CAMKMT: variants seen among roughly 807,000 people sequenced by gnomAD.
CAMKMT encodes calmodulin-lysine N-methyltransferase.
A neutral mutation model predicts 48.0 loss-of-function variants in CAMKMT; 53 were observed. The observed-to-expected ratio is 1.10, with a 90% CI of 0.89 to 1.39. The LOEUF (loss-of-function observed/expected upper bound fraction) is 1.39, where lower values mean the gene tolerates loss of function less well. CAMKMT is among the 40% of genes most tolerant of loss of function. CAMKMT has a pLI of 0.00. For missense variants in CAMKMT, 428 were observed against 402.7 expected (o/e 1.06, Z -0.54); for synonymous variants, 165 against 152.3 (o/e 1.08, Z -0.61).
intron 3 of CAMKMT, among the ~76,000 whole-genome samples, chr2:44,460,887 T>G (rs1315676006): frequency 6.6e-6 from 1 of 152,004 alleles, no homozygotes; most frequent in Non-Finnish European, 1.5e-5. Flanking sequence ...CACACCCAGC[T>G]AATTTTTGTA....
Position 44,426,260 on chromosome 2 carries a change from C to T in CAMKMT, c.376+35955C>T, listed in dbSNP as rs568834263. On this transcript the variant is annotated intron_variant, in intron 3 of 10. Coordinates refer to ENST00000378494, the MANE Select transcript of CAMKMT (RefSeq NM_024766.5). ...GTAACTGGCAAAAGTTTCAAGCATTCTGCCTAAGAACTGGAGCAAGACAAG... is the reference window on the plus strand; with the variant it reads ...GTAACTGGCAAAAGTTTCAAGCATTTTGCCTAAGAACTGGAGCAAGACAAG... 2.0e-5 allele frequency among the ~76,000 whole-genome samples: 3 copies of T among 152,286 alleles called. No individual in the cohort carries two copies. The South Asian group carries it at 6.2e-4, about 32-fold the overall frequency.
intron 3 of CAMKMT, among the ~76,000 whole-genome samples, chr2:44,662,509 C>T (rs1043804487): frequency 6.6e-5 from 10 of 152,188 alleles, no homozygotes; most frequent in African/African-American, 9.7e-5. Flanking sequence ...GGCAATTGTA[C>T]GTGCACATTC....
At chr2:44,597,719 T>C (rs372339389) in intron 3 of CAMKMT, among the ~76,000 whole-genome samples, 2 of 152,304 alleles carry the variant, frequency 1.3e-5, no homozygotes, top group South Asian at 4.1e-4. Context: ...ATATGCTTCC[T>C]TATTATTTTT....
chr2:44,410,662 G>T lies in CAMKMT; in HGVS notation c.376+20357G>T, dbSNP rs2104476264. Among the ~76,000 whole-genome samples, 3 of 152,196 alleles carry T rather than the reference G, an allele frequency of 2.0e-5. 1 individual carries two copies. The highest frequency in any genetic ancestry group is 4.4e-5 in the Non-Finnish European group (3 of 68,014). ...TATTCTAATTAATTCAAAGCAATAT[G>T]TCAGTTGCCTGTTCTTTAATATGCT... On this transcript the variant is annotated intron_variant, in intron 3 of 10. Coordinates refer to ENST00000378494, the MANE Select transcript of CAMKMT (RefSeq NM_024766.5).
At chr2:44,769,622 T>C (rs1334751278) in intron 10 of CAMKMT, among the ~76,000 whole-genome samples, 2 of 152,334 alleles carry the variant, frequency 1.3e-5, no homozygotes, top group East Asian at 3.8e-4. Flanking sequence ...GCAAATGTTC[T>C]TTGAAATATA....
intron 10 of CAMKMT, among the ~76,000 whole-genome samples, chr2:44,771,267 T>C (rs1217462645): frequency 3.3e-5 from 5 of 152,196 alleles, no homozygotes; most frequent in Non-Finnish European, 7.3e-5. Context: ...AACAATTGGC[T>C]CATAAATTCC....
intron 3 of CAMKMT, among the ~76,000 whole-genome samples, chr2:44,624,655 A>T (rs1293679060): frequency 2.0e-5 from 3 of 152,014 alleles, no homozygotes; most frequent in Non-Finnish European, 4.4e-5. Flanking sequence ...AAGGACATGA[A>T]CTCATCATTT....
chr2:44,529,150 G>A (rs888062920), intron 3 of CAMKMT, among the ~76,000 whole-genome samples: 5 of 152,054 alleles, frequency 3.3e-5, no homozygotes, highest in Admixed American at 6.6e-5. Flanking sequence ...TAATGAATTG[G>A]TTCACTAGCA....
At chr2:44,637,477 G>C (rs1311950086) in intron 3 of CAMKMT, among the ~76,000 whole-genome samples, 1 of 152,090 alleles carries the variant, frequency 6.6e-6, no homozygotes, top group African/African-American at 2.4e-5. Context: ...AAATTAATCA[G>C]TCTACATTTT....
intron 3 of CAMKMT, among the ~76,000 whole-genome samples, chr2:44,442,070 A>C (rs767057371): frequency 8.5e-5 from 13 of 152,198 alleles, no homozygotes; most frequent in African/African-American, 1.2e-4. Flanking sequence ...CCTTGCTACT[A>C]AACAGATGTG....
In CAMKMT at chr2:44,361,951, C is replaced by T. The variant is rs1170126887; in HGVS notation, c.-57C>T. ...CCTGACAGGGAAGAAGTTGGCAGGT[C>T]CTGGCAGGGGACGAGCTGCGGCGGT... On this transcript the variant is annotated 5_prime_UTR_variant, in exon 1 of 11. Transcript: ENST00000378494. The T allele has an allele frequency of 2.2e-6, 3 of 1,359,874 alleles. No homozygotes were observed. In the African/African-American group the frequency reaches 4.6e-5, roughly 21 times the overall value. 84.2% of individuals were successfully genotyped at this position (1,359,874 alleles called of 1,614,324 possible).
intron 6 of CAMKMT, among the ~76,000 whole-genome samples, chr2:44,709,455 C>G (rs1421849373): frequency 6.6e-6 from 1 of 152,010 alleles, no homozygotes; most frequent in Non-Finnish European, 1.5e-5. Context: ...CTGTTGTAAC[C>G]AGATCTAATT....
intron 3 of CAMKMT, among the ~76,000 whole-genome samples, chr2:44,600,228 C>T (rs886876454): frequency 6.6e-6 from 1 of 151,894 alleles, no homozygotes; most frequent in Non-Finnish European, 1.5e-5. Context: ...CTTCACCATT[C>T]CATTACATAC....
intron 3 of CAMKMT, among the ~76,000 whole-genome samples, chr2:44,632,613 A>G (rs1347476030): frequency 1.3e-5 from 2 of 152,166 alleles, no homozygotes; most frequent in Non-Finnish European, 2.9e-5. Context: ...ACGGAGTATC[A>G]ACTTGGTTGG....
At chr2:44,682,695 A>G (rs940547041) in intron 3 of CAMKMT, among the ~76,000 whole-genome samples, 1 of 152,214 alleles carries the variant, frequency 6.6e-6, no homozygotes, top group Non-Finnish European at 1.5e-5. Context: ...GGAGATTTCA[A>G]TCCTGTTCCT....
intron 3 of CAMKMT, among the ~76,000 whole-genome samples, chr2:44,391,500 G>A (rs141968498): frequency 1.3e-5 from 2 of 152,168 alleles, no homozygotes; most frequent in Admixed American, 6.6e-5. Context: ...CAAGGACTGG[G>A]CAAAGCATAC....
chr2:44,682,923 C>A (rs1458423463), intron 3 of CAMKMT, among the ~76,000 whole-genome samples: 2 of 152,156 alleles, frequency 1.3e-5, no homozygotes, highest in African/African-American at 4.8e-5. Context: ...AATTGCAAGA[C>A]AAATTACATG....
chr2:44,612,505 T>G (rs920007715), intron 3 of CAMKMT, among the ~76,000 whole-genome samples: 5 of 152,236 alleles, frequency 3.3e-5, no homozygotes, highest in Non-Finnish European at 7.3e-5. Flanking sequence ...AGTAATTTCC[T>G]CTCACTCTGA....
At chr2:44,690,704 G>T (rs1229254649) in intron 3 of CAMKMT, among the ~76,000 whole-genome samples, 5 of 152,128 alleles carry the variant, frequency 3.3e-5, no homozygotes, top group Non-Finnish European at 5.9e-5. Context: ...AGCTGGGTGT[G>T]GTGGCTCACG....
Sources: gnomAD v4.1 joint callset for allele counts (sites outside exome capture counted in the v4.1 genomes callset) on GRCh38, gnomAD v4.1.1 for gene constraint, MANE v1.5 for transcripts, NCBI Gene and HGNC (gene_info 2026-07-23, HGNC 2026-07-21) for gene names.